The following NEDD4 variants were observed in gnomAD, a reference collection of about 807,000 sequenced individuals.
NEDD4 encodes NEDD4 E3 ubiquitin protein ligase.
NEDD4 carries 99 observed loss-of-function variants against 144.9 expected under a neutral mutation model. The observed-to-expected ratio is 0.68, with a 90% CI of 0.58 to 0.81. The LOEUF is 0.81. Ranked by LOEUF, NEDD4 falls within the 30% of genes least tolerant of loss-of-function variation. The pLI, the probability that NEDD4 is intolerant of heterozygous loss-of-function variation, is 0.00. For synonymous variants in NEDD4, 318 were observed against 350.6 expected (o/e 0.91, Z 1.04); for missense variants, 985 against 1,065.9 (o/e 0.92, Z 1.06).
Position 55,856,112 on chromosome 15 carries a change from G to T in NEDD4, c.1026+19C>A. ...GAGTTTTATATTTTTATTGATTGAT[G>T]GGAGAGGGTAAAACTCACCACAGGA... On this transcript the variant is annotated intron_variant, in intron 12 of 28. Transcript: ENST00000435532. 1 of 1,595,072 alleles carries T rather than the reference G, an allele frequency of 6.3e-7. No homozygotes were observed. The highest frequency in any genetic ancestry group is 1.1e-5 in the South Asian group (1 of 90,612).
At chr15:55,951,644 G>T in intron 2 of NEDD4, 55 bp from the exon 3 acceptor site, 1 of 1,272,028 alleles carries the variant, frequency 7.9e-7, no homozygotes, top group Non-Finnish European at 1.0e-6. Flanking sequence ...CTTACCCCAA[G>T]CTCAGATTAC....
intron 24 of NEDD4, 108 bp downstream of exon 24, chr15:55,837,681 C>T: frequency 1.6e-6 from 1 of 616,578 alleles, no homozygotes; most frequent in South Asian, 2.8e-5. Flanking sequence ...AATGATTTCA[C>T]AAAACAAGCC....
At chr15:55,969,734 T>C (rs774019309) in intron 1 of NEDD4, among the ~76,000 whole-genome samples, 6 of 152,066 alleles carry the variant, frequency 3.9e-5, no homozygotes, top group Non-Finnish European at 7.4e-5. Context: ...TAAAGAGCTC[T>C]TGGGCCTTGA....
rs555366566 is a variant in NEDD4, at chr15:55,979,649, G to A, written c.46-13103C>T. On this transcript the variant is annotated intron_variant, in intron 1 of 28. Transcript: ENST00000435532. ...ATTACAGGCGTGAGCCACCGCGCCC[G>A]GCGAAAGTTTTTACTTCTTAAACAT... is the stretch of plus-strand genomic sequence containing the variant. Among the ~76,000 whole-genome samples, 31 of 152,062 alleles carry A rather than the reference G, an allele frequency of 2.0e-4. No individual in the cohort carries two copies. The East Asian group carries it at 5.2e-3, about 26-fold the overall frequency.
intron 1 of NEDD4, among the ~76,000 whole-genome samples, chr15:55,986,929 A>G (rs1263700742): frequency 2.0e-5 from 3 of 152,184 alleles, no homozygotes; most frequent in African/African-American, 7.2e-5. Flanking sequence ...CTAGGATAAG[A>G]AAAACTGTGC....
rs568843683 is a variant in NEDD4, at chr15:55,880,627, G to A, written c.292-6619C>T. On this transcript the variant is annotated intron_variant, in intron 5 of 28. Transcript: ENST00000435532. Reference sequence around the variant, plus strand: ...CTTCACCAAAATGAGGGAGTGTGCCGTGATATGGAAGATGCAGGGGATTCA... The same window carrying A: ...CTTCACCAAAATGAGGGAGTGTGCCATGATATGGAAGATGCAGGGGATTCA... 5.9e-5 allele frequency among the ~76,000 whole-genome samples: 9 copies of A among 152,204 alleles called. No homozygotes were observed. In the South Asian group the frequency reaches 1.9e-3, roughly 32 times the overall value.
At chr15:55,838,367 C>G in intron 22 of NEDD4, 142 bp downstream of exon 22, 1 of 733,604 alleles carries the variant, frequency 1.4e-6, no homozygotes, top group South Asian at 1.8e-5. Flanking sequence ...AAAGAAAGTA[C>G]AAATTCTTGC....
chr15:55,927,311 C>G (rs192138809), intron 4 of NEDD4, among the ~76,000 whole-genome samples: 1 of 151,644 alleles, frequency 6.6e-6, no homozygotes, highest in African/African-American at 2.4e-5. Context: ...ACAAAGACGA[C>G]AAGATTCTTT....
intron 5 of NEDD4, among the ~76,000 whole-genome samples, chr15:55,890,729 G>C (rs185501070): frequency 6.6e-6 from 1 of 152,100 alleles, no homozygotes; most frequent in African/African-American, 2.4e-5. Context: ...CTGCCAGACC[G>C]TTTTCCAAAG....
At chr15:55,969,480 A>C (rs752894002) in intron 1 of NEDD4, among the ~76,000 whole-genome samples, 1 of 152,066 alleles carries the variant, frequency 6.6e-6, no homozygotes. Context: ...TGCTTGTGTC[A>C]CCCCTCCTCC....
At chr15:55,912,684 G>GT (rs754976889) in intron 5 of NEDD4, among the ~76,000 whole-genome samples, 76 of 152,190 alleles carry the variant, frequency 5.0e-4, no homozygotes, top group Middle Eastern at 3.4e-3. Flanking sequence ...AGCAATCATT[G>GT]TTGTAACTGT....
intron 4 of NEDD4, among the ~76,000 whole-genome samples, chr15:55,933,591 G>A (rs944231635): frequency 8.0e-5 from 12 of 150,730 alleles, no homozygotes; most frequent in Admixed American, 5.3e-4. Flanking sequence ...TGCAAATGAC[G>A]AGTTAATGGG....
At chr15:55,847,310 G>T (rs1267348303) in intron 17 of NEDD4, among the ~76,000 whole-genome samples, 3 of 152,104 alleles carry the variant, frequency 2.0e-5, no homozygotes, top group Admixed American at 1.3e-4. Context: ...ATTTCTTCCA[G>T]GTAGAGAAAT....
At chr15:55,976,694 A>G (rs1357383382) in intron 1 of NEDD4, among the ~76,000 whole-genome samples, 3 of 149,816 alleles carry the variant, frequency 2.0e-5, no homozygotes. Context: ...CAGTGGTGCA[A>G]TCTCACTTCA....
intron 5 of NEDD4, among the ~76,000 whole-genome samples, chr15:55,908,490 G>A (rs1451616967): frequency 6.6e-6 from 1 of 152,088 alleles, no homozygotes; most frequent in African/African-American, 2.4e-5. Flanking sequence ...CTTCGACTTT[G>A]AACTGTATTA....
At chr15:55,909,216 C>T (rs28437041) in intron 5 of NEDD4, among the ~76,000 whole-genome samples, 1,883 of 152,262 alleles carry the variant, frequency 0.012, 37 homozygotes, top group African/African-American at 0.043. Context: ...ACCCATGAAT[C>T]GAGCTACAAG....
chr15:55,887,171 G>A (rs1183981274), intron 5 of NEDD4, among the ~76,000 whole-genome samples: 1 of 151,950 alleles, frequency 6.6e-6, no homozygotes, highest in East Asian at 1.9e-4. Flanking sequence ...AAATGAAATT[G>A]AAATGAAGAA....
rs140409404 is a variant in NEDD4 at position 55,827,029 on chromosome 15, T to C, written c.*2868A>G. ...AAATTTTGATACATCAATCTTGATA[T>C]ATATATTTACTGTGTCAGAAGATTT... On this transcript the variant is annotated 3_prime_UTR_variant, in exon 29 of 29. Coordinates refer to ENST00000435532, the MANE Select transcript of NEDD4 (RefSeq NM_006154.4). 2 of 152,372 alleles carry C rather than the reference T, an allele frequency of 1.3e-5. No individual in the cohort carries two copies. The highest frequency in any genetic ancestry group is 3.9e-4 in the East Asian group (2 of 5,192). The allele number at this position is 152,372 out of a possible 1,614,324, so 9.4% of individuals were successfully genotyped here.
chr15:55,830,054 C>G (rs1198243144), intron 28 of NEDD4, 55 bp from the exon 29 acceptor site: 6 of 1,212,224 alleles, frequency 4.9e-6, no homozygotes, highest in African/African-American at 1.5e-5. Context: ...CAAGTACCAC[C>G]ACAGCAAACA....
Sources: allele counts gnomAD v4.1 joint callset (sites outside exome capture counted in the v4.1 genomes callset), GRCh38; gene constraint gnomAD v4.1.1; transcripts MANE v1.5; gene names NCBI Gene and HGNC (gene_info 2026-07-23, HGNC 2026-07-21).